COX7B2: variants seen among roughly 807,000 people sequenced by gnomAD.
COX7B2 encodes cytochrome c oxidase subunit 7B2, also known as cytochrome c oxidase subunit 7B2, mitochondrial.
For synonymous variants in COX7B2, 37 were observed against 32.1 expected (o/e 1.15, Z -0.51); for missense variants, 109 against 95.9 (o/e 1.14, Z -0.57).
Position 46,734,990 on chromosome 4 carries a change from G to C in COX7B2, c.203C>G (p.Ser68Cys). 1.9e-6 allele frequency: 3 copies of C among 1,613,902 alleles called. No homozygotes were observed. Among genetic ancestry groups the C allele is most frequent in the Non-Finnish European group, 2.5e-6 (3 of 1,179,878 alleles). The change falls in exon 3 of 3, where the codon TCC becomes TGC. Residue 68 changes from serine to cysteine, a missense_variant. Ser to Cys is a moderately radical substitution (Grantham distance 112). Transcript: ENST00000355591. ...TTTTGGGGTAACTCTGCCAACAGGG[G>C]ATAGGTTCCATTCTATTCCAATCTG... ...ATQIGIEWNL[S>C]PVGRVTPKEW...
intron 2 of COX7B2, among the ~76,000 whole-genome samples, chr4:46,804,852 T>C (rs570892418): frequency 0.013 from 1,908 of 152,282 alleles, 32 homozygotes; most frequent in African/African-American, 0.044. Flanking sequence ...TTTGGGTGGT[T>C]GATGGGACTG....
intron 2 of COX7B2, among the ~76,000 whole-genome samples, chr4:46,789,839 TG>T (rs966996658): frequency 6.6e-6 from 1 of 152,184 alleles, no homozygotes; most frequent in Non-Finnish European, 1.5e-5. Context: ...TCAATTAAAG[TG>T]TATCCTACTA....
At chr4:46,887,710 C>CAAAA (rs564556459) in intron 1 of COX7B2, among the ~76,000 whole-genome samples, 3 of 41,602 alleles carry the variant, frequency 7.2e-5, no homozygotes, top group African/African-American at 7.7e-5. Context: ...GACTCCTTCT[C>CAAAA]AAAAAAAAAA....
intron 2 of COX7B2, among the ~76,000 whole-genome samples, chr4:46,794,031 C>A (rs1202977397): frequency 6.6e-6 from 1 of 152,142 alleles, no homozygotes; most frequent in Non-Finnish European, 1.5e-5. Context: ...TCTTCAGTAC[C>A]CATCCCACAG....
At chr4:46,892,386 T>C (rs1297759034) in intron 1 of COX7B2, among the ~76,000 whole-genome samples, 2 of 152,232 alleles carry the variant, frequency 1.3e-5, no homozygotes, top group Non-Finnish European at 2.9e-5. Flanking sequence ...TCTTTACTTC[T>C]ATTATCCATG....
chr4:46,895,829 T>G (rs527444652), intron 1 of COX7B2, among the ~76,000 whole-genome samples: 1 of 152,226 alleles, frequency 6.6e-6, no homozygotes, highest in South Asian at 2.1e-4. Flanking sequence ...AAGGGAGAAA[T>G]TCAGCAAAAT....
At chr4:46,779,025 T>A (rs1477738674) in intron 2 of COX7B2, among the ~76,000 whole-genome samples, 1 of 152,210 alleles carries the variant, frequency 6.6e-6, no homozygotes, top group Non-Finnish European at 1.5e-5. Flanking sequence ...GATACAATTC[T>A]TTTGACAAAG....
intron 2 of COX7B2, among the ~76,000 whole-genome samples, chr4:46,757,445 C>G (rs992061121): frequency 5.9e-5 from 9 of 152,016 alleles, no homozygotes; most frequent in Non-Finnish European, 1.3e-4. Flanking sequence ...GCACTTGTAC[C>G]CCTTAAATTT....
At chr4:46,794,285 TTC>T (rs1369930827) in intron 2 of COX7B2, among the ~76,000 whole-genome samples, 3 of 152,200 alleles carry the variant, frequency 2.0e-5, no homozygotes, top group African/African-American at 7.2e-5. Flanking sequence ...AAAACAGAGA[TTC>T]TGCATTTAAT....
intron 2 of COX7B2, among the ~76,000 whole-genome samples, chr4:46,808,494 T>G (rs1383352669): frequency 6.6e-6 from 1 of 151,872 alleles, no homozygotes; most frequent in Admixed American, 6.6e-5. Context: ...CTTCTTCCTT[T>G]TAACTTAGAT....
chr4:46,878,393 G>C (rs1473160429), intron 1 of COX7B2, among the ~76,000 whole-genome samples: 1 of 150,916 alleles, frequency 6.6e-6, no homozygotes, highest in Non-Finnish European at 1.5e-5. Context: ...AGTAGATTTA[G>C]GTGCTCTTAC....
intron 1 of COX7B2, among the ~76,000 whole-genome samples, chr4:46,904,408 G>GC (rs1432937776): frequency 6.6e-6 from 1 of 151,964 alleles, no homozygotes; most frequent in African/African-American, 2.4e-5. Context: ...TCACTTCACA[G>GC]AAGAAGAAAT....
At chr4:46,775,470 G>C (rs983406468) in intron 2 of COX7B2, among the ~76,000 whole-genome samples, 5 of 152,208 alleles carry the variant, frequency 3.3e-5, no homozygotes, top group Admixed American at 6.5e-5. Flanking sequence ...ACACATTACT[G>C]TGCACTACTT....
chr4:46,817,240 A>G (rs1478164050), intron 2 of COX7B2, among the ~76,000 whole-genome samples: 2 of 152,182 alleles, frequency 1.3e-5, no homozygotes, highest in Non-Finnish European at 2.9e-5. Flanking sequence ...AAGTTATTTA[A>G]TGTTTGCCAA....
intron 2 of COX7B2, among the ~76,000 whole-genome samples, chr4:46,831,539 TTA>T (rs913707893): frequency 1.3e-5 from 2 of 152,156 alleles, no homozygotes; most frequent in African/African-American, 4.8e-5. Context: ...TGGAGAACCT[TTA>T]TGTCTAGCTA....
chr4:46,855,694 G>A (rs890471939), intron 1 of COX7B2, among the ~76,000 whole-genome samples: 2 of 152,040 alleles, frequency 1.3e-5, no homozygotes, highest in African/African-American at 4.8e-5. Context: ...GAAGAGATAT[G>A]TAATATTTTT....
chr4:46,790,468 G>T (rs1008306188), intron 2 of COX7B2, among the ~76,000 whole-genome samples: 5 of 151,710 alleles, frequency 3.3e-5, no homozygotes, highest in African/African-American at 1.2e-4. Context: ...TATTTATACA[G>T]GTAATTTATT....
At chr4:46,906,247 G>GA (rs1720388803) in intron 1 of COX7B2, among the ~76,000 whole-genome samples, 1 of 152,070 alleles carries the variant, frequency 6.6e-6, no homozygotes, top group African/African-American at 2.4e-5. Context: ...ATTTCAGCTG[G>GA]AAAATCACTC....
intron 1 of COX7B2, among the ~76,000 whole-genome samples, chr4:46,852,972 T>A (rs888466240): frequency 6.6e-6 from 1 of 152,206 alleles, no homozygotes; most frequent in Non-Finnish European, 1.5e-5. Flanking sequence ...AACATATGTA[T>A]GTTAGATAAG....
Sources: gnomAD v4.1 joint callset for allele counts (sites outside exome capture counted in the v4.1 genomes callset) on GRCh38, gnomAD v4.1.1 for gene constraint, MANE v1.5 for transcripts, NCBI Gene and HGNC (gene_info 2026-07-23, HGNC 2026-07-21) for gene names.